Variants in RALGPS2 observed in about 807,000 individuals in gnomAD.
RALGPS2 encodes the protein ras-specific guanine nucleotide-releasing factor RalGPS2.
RALGPS2 carries 43 observed loss-of-function variants against 86.8 expected under a neutral mutation model. The ratio of observed to expected loss-of-function variants is 0.50; its 90% CI spans 0.39 to 0.64. The LOEUF (loss-of-function observed/expected upper bound fraction) is 0.64, where lower values mean the gene tolerates loss of function less well. RALGPS2 is among the 30% of genes least tolerant of loss of function. The pLI, the probability that RALGPS2 is intolerant of heterozygous loss-of-function variation, is 0.00. For synonymous variants in RALGPS2, 243 were observed against 231.3 expected (o/e 1.05, Z -0.46); for missense variants, 536 against 694.6 (o/e 0.77, Z 2.57).
intron 6 of RALGPS2, among the ~76,000 whole-genome samples, chr1:178,820,395 C>G (rs1176010684): frequency 2.0e-5 from 3 of 152,184 alleles, no homozygotes; most frequent in Non-Finnish European, 4.4e-5. Context: ...ATGGCCCTTT[C>G]TGGTTTCATC....
intron 18 of RALGPS2, among the ~76,000 whole-genome samples, chr1:178,906,555 AC>A (rs1170716751): frequency 6.6e-6 from 1 of 152,158 alleles, no homozygotes; most frequent in Non-Finnish European, 1.5e-5. Context: ...AGCAAAAGTG[AC>A]TTTCTGAATA....
intron 8 of RALGPS2, among the ~76,000 whole-genome samples, chr1:178,846,620 G>C (rs1474098955): frequency 1.3e-5 from 2 of 152,042 alleles, no homozygotes; most frequent in Admixed American, 6.6e-5. Context: ...AAAAGAGCTG[G>C]GGGTGGGGTT....
chr1:178,753,009 C>T, intron 1 of RALGPS2, among the ~76,000 whole-genome samples: 1 of 152,174 alleles, frequency 6.6e-6, no homozygotes, highest in East Asian at 1.9e-4. Context: ...ACAAACATTG[C>T]CCTTTATTTC....
chr1:178,846,753 A>G (rs979120293), intron 8 of RALGPS2, among the ~76,000 whole-genome samples: 20 of 152,144 alleles, frequency 1.3e-4, no homozygotes, highest in Non-Finnish European at 2.9e-4. Flanking sequence ...TCCCCTAACA[A>G]CAGTTTTACC....
At chr1:178,788,051 T>TA (rs1653753192) in intron 4 of RALGPS2, among the ~76,000 whole-genome samples, 1 of 152,206 alleles carries the variant, frequency 6.6e-6, no homozygotes, top group Non-Finnish European at 1.5e-5. Flanking sequence ...AACCCCATCT[T>TA]ACATCTTTCC....
At chr1:178,845,122 A>G (rs1656808629) in intron 8 of RALGPS2, among the ~76,000 whole-genome samples, 1 of 151,444 alleles carries the variant, frequency 6.6e-6, no homozygotes, top group Non-Finnish European at 1.5e-5. Context: ...AAAAAACCAT[A>G]TTTTTTGAAC....
intron 4 of RALGPS2, 63 bp downstream of exon 4, chr1:178,785,670 T>C (rs1653616624): frequency 6.7e-7 from 1 of 1,502,574 alleles, no homozygotes; most frequent in Admixed American, 2.3e-5. Context: ...ATTAAGTGTT[T>C]TAGAAATGTC....
In RALGPS2 at chr1:178,897,699, T is replaced by A; in HGVS notation, c.1467T>A (p.Cys489Ter). ...ASWTKYWAAL[C>*]GTQLFYYAAK... ...GGACAAAATATTGGGCAGCTTTGTG[T>A]GGGACACAGCTTTTTTACTATGCTG... The change falls in exon 17 of 20, where the codon TGT becomes TGA. Residue 489 changes from cysteine to a stop codon, truncating the protein, a stop_gained. Coordinates refer to ENST00000367635, the MANE Select transcript of RALGPS2 (RefSeq NM_152663.5). LOFTEE classifies it high-confidence loss of function. The A allele has an allele frequency of 6.2e-7, 1 of 1,612,698 alleles. No individual in the cohort carries two copies. The highest frequency in any genetic ancestry group is 1.1e-5 in the South Asian group (1 of 91,024).
intron 8 of RALGPS2, among the ~76,000 whole-genome samples, chr1:178,836,328 G>A (rs1305200309): frequency 2.0e-5 from 3 of 152,162 alleles, no homozygotes; most frequent in Non-Finnish European, 4.4e-5. Context: ...AATATTACAA[G>A]CATTGTTTTT....
chr1:178,778,052 TTAAAC>T (rs1347238905), intron 2 of RALGPS2, among the ~76,000 whole-genome samples: 3 of 136,810 alleles, frequency 2.2e-5, no homozygotes, highest in Non-Finnish European at 3.1e-5. Flanking sequence ...TGGGATCTAA[TTAAAC>T]TAAAGAGCTT....
At chr1:178,823,277 A>C (rs1300179290) in intron 7 of RALGPS2, among the ~76,000 whole-genome samples, 2 of 152,228 alleles carry the variant, frequency 1.3e-5, no homozygotes, top group Non-Finnish European at 2.9e-5. Flanking sequence ...ATCTGAATAA[A>C]ACTTTTGATG....
intron 8 of RALGPS2, chr1:178,853,445 A>G: frequency 1.3e-6 from 1 of 754,188 alleles, no homozygotes; most frequent in East Asian, 3.2e-5. Flanking sequence ...AGAGATGAGA[A>G]TCATTTTTTT....
At chr1:178,799,982 T>C (rs1654394278) in intron 4 of RALGPS2, among the ~76,000 whole-genome samples, 2 of 152,158 alleles carry the variant, frequency 1.3e-5, no homozygotes, top group Non-Finnish European at 2.9e-5. Flanking sequence ...ATGAAAAAGA[T>C]TGTGGATATG....
chr1:178,823,556 A>G (rs984520857), intron 7 of RALGPS2, among the ~76,000 whole-genome samples: 13 of 152,248 alleles, frequency 8.5e-5, no homozygotes, highest in African/African-American at 3.1e-4. Context: ...TGAGGGAACC[A>G]TTTATTTGGA....
intron 10 of RALGPS2, among the ~76,000 whole-genome samples, chr1:178,880,940 T>C (rs1659220550): frequency 6.6e-6 from 1 of 152,218 alleles, no homozygotes; most frequent in African/African-American, 2.4e-5. Context: ...CCTTCATTTT[T>C]GTAGGAAAGC....
intron 1 of RALGPS2, among the ~76,000 whole-genome samples, chr1:178,771,118 C>G (rs903802881): frequency 6.6e-6 from 1 of 152,124 alleles, no homozygotes; most frequent in Non-Finnish European, 1.5e-5. Context: ...GGATTACAGG[C>G]GTGAGCCACC....
chr1:178,745,735 CA>C (rs1471241025), intron 1 of RALGPS2, among the ~76,000 whole-genome samples: 4 of 150,966 alleles, frequency 2.6e-5, no homozygotes, highest in African/African-American at 9.7e-5. Context: ...GTTACAACAC[CA>C]AAAGCATGAT....
Position 178,902,003 on chromosome 1 carries a change from A to G in RALGPS2, c.1525-103A>G, listed in dbSNP as rs1572466955. ...AGACCAGCATGAAGTCACAAATCTC[A>G]TCTTTCATTAGGAGAAACTGAAAAT... On this transcript the variant is annotated intron_variant, in intron 17 of 19. Coordinates refer to ENST00000367635, the MANE Select transcript of RALGPS2 (RefSeq NM_152663.5). 8.7e-6 allele frequency: 7 copies of G among 802,726 alleles called. No individual in the cohort carries two copies. In the East Asian group the frequency reaches 1.9e-4, roughly 22 times the overall value. 49.7% of individuals were successfully genotyped at this position (802,726 alleles called of 1,614,324 possible).
intron 5 of RALGPS2, among the ~76,000 whole-genome samples, chr1:178,809,324 TG>T (rs985215276): frequency 6.6e-6 from 1 of 152,048 alleles, no homozygotes; most frequent in African/African-American, 2.4e-5. Flanking sequence ...TAGATAGAAA[TG>T]GAGGAGCGGA....
Sources: gnomAD v4.1 joint callset for allele counts (sites outside exome capture counted in the v4.1 genomes callset) on GRCh38, gnomAD v4.1.1 for gene constraint, MANE v1.5 for transcripts, NCBI Gene and HGNC (gene_info 2026-07-23, HGNC 2026-07-21) for gene names.